The following UGT2A1 variants were observed in gnomAD, a reference collection of about 807,000 sequenced individuals.
UGT2A1 encodes the protein UDP glucuronosyltransferase family 2 member A1 complex locus.
A neutral mutation model predicts 45.4 loss-of-function variants in UGT2A1; 61 were observed. The observed-to-expected ratio is 1.34, with a 90% CI of 1.09 to 1.66. The LOEUF (loss-of-function observed/expected upper bound fraction) is 1.66. Ranked by LOEUF, UGT2A1 falls within the 40% of genes most tolerant of loss-of-function variation. The probability of loss-of-function intolerance (pLI) is 0.00; values close to 1 mark genes in which losing one functional copy is unlikely to be tolerated. For synonymous variants in UGT2A1, 229 were observed against 196.2 expected, an observed-to-expected ratio of 1.17 and a Z score of -1.40; for missense variants, 649 against 574.3, an observed-to-expected ratio of 1.13 and a Z score of -1.33.
chr4:69,642,456 A>AAAGG (rs1050588069), intron 2 of UGT2A1, among the ~76,000 whole-genome samples: 10 of 151,922 alleles, frequency 6.6e-5, no homozygotes, highest in African/African-American at 2.4e-4. Flanking sequence ...AAAAAGAAAA[A>AAAGG]AAGGAAGACC....
At chr4:69,594,734 A>C in intron 5 of UGT2A1, 38 bp from the exon 6 acceptor site, 1 of 1,586,990 alleles carries the variant, frequency 6.3e-7, no homozygotes, top group Non-Finnish European at 8.6e-7. Context: ...GTGTGTAATA[A>C]TAACACATTA....
chr4:69,632,070 T>C (rs1721420199), intron 3 of UGT2A1, among the ~76,000 whole-genome samples: 3 of 152,228 alleles, frequency 2.0e-5, no homozygotes, highest in Admixed American at 6.5e-5. Context: ...ATATTAACTT[T>C]ATTTTTGAAA....
At chr4:69,599,546 G>A in intron 3 of UGT2A1, 152 bp from the exon 4 acceptor site, 3 of 1,106,174 alleles carry the variant, frequency 2.7e-6, no homozygotes, top group Non-Finnish European at 1.2e-6. Flanking sequence ...TTAAGAAGAA[G>A]GAGAAATTAA....
At chr4:69,609,800 A>C (rs114516165) in intron 3 of UGT2A1, among the ~76,000 whole-genome samples, 1,909 of 152,322 alleles carry the variant, frequency 0.013, 50 homozygotes, top group African/African-American at 0.044. Context: ...ACTGCATTCC[A>C]CAAAAAAATT....
intron 3 of UGT2A1, among the ~76,000 whole-genome samples, chr4:69,625,378 G>T (rs1347704155): frequency 6.6e-6 from 1 of 150,572 alleles, no homozygotes. Context: ...ATTTTTTTCT[G>T]CTGATGCTCC....
Position 69,603,667 on chromosome 4 carries a change from G to C in UGT2A1, c.848-4273C>G, listed in dbSNP as rs1050054656. 3.7e-5 allele frequency: 5 copies of C among 135,516 alleles called. No homozygotes were observed. In the East Asian group the frequency reaches 1.0e-3, roughly 28 times the overall value. 8.4% of individuals were successfully genotyped at this position (135,516 alleles called of 1,614,324 possible). ...CCATGGCAAAGAGGTTAAAAACCTT[G>C]AAAAAAAATTAGACGAATGGCTAAC... On this transcript the variant is annotated intron_variant, in intron 3 of 6. Coordinates refer to ENST00000286604, the MANE Select transcript of UGT2A1 (RefSeq NM_001252275.3).
intron 6 of UGT2A1, among the ~76,000 whole-genome samples, chr4:69,591,332 A>G (rs1035861476): frequency 1.3e-5 from 2 of 152,202 alleles, no homozygotes; most frequent in African/African-American, 4.8e-5. Context: ...TTTGGTTTAG[A>G]AAGGTGGGAC....
rs866753934 is a variant in UGT2A1 at position 69,589,019 on chromosome 4, G to C, written c.*353C>G. 1 of 180,602 alleles carries C rather than the reference G, an allele frequency of 5.5e-6. No individual in the cohort carries two copies. Among genetic ancestry groups the C allele is most frequent in the East Asian group, 1.4e-4 (1 of 7,180 alleles). 11.2% of individuals were successfully genotyped at this position (180,602 alleles called of 1,614,324 possible). On this transcript the variant is annotated 3_prime_UTR_variant, in exon 7 of 7. Transcript: ENST00000286604. ...CCATCTACACTGTATGCATTACCAGGATTCAGCATATTGTTAATCATTAAT... is the reference window on the plus strand; with the variant it reads ...CCATCTACACTGTATGCATTACCAGCATTCAGCATATTGTTAATCATTAAT...
chr4:69,589,432 T>C lies in UGT2A1; in HGVS notation c.1524A>G (p.Gln508=), dbSNP rs4148310. ...CVTTAIFLVI[Q]CCLFSCQKFG... ...ATTTTTGACAGGAAAACAAACAACA[T>C]TGTATGACCAAAAATATAGCCGTTG... Residue 508 remains glutamine, a synonymous_variant, in exon 7 of 7, where the codon CAA becomes CAG. Coordinates refer to ENST00000286604, the MANE Select transcript of UGT2A1 (RefSeq NM_001252275.3). The C allele has an allele frequency of 1.1e-4, 171 of 1,614,096 alleles. 1 individual carries two copies. In the East Asian group the frequency reaches 3.8e-3, roughly 36 times the overall value.
At chr4:69,646,724 T>C (rs1237257832) in intron 2 of UGT2A1, among the ~76,000 whole-genome samples, 1 of 151,878 alleles carries the variant, frequency 6.6e-6, no homozygotes. Flanking sequence ...TGAATTGATA[T>C]ATTTAAGTCC....
At chr4:69,617,769 A>C (rs958187317) in intron 3 of UGT2A1, among the ~76,000 whole-genome samples, 1 of 151,868 alleles carries the variant, frequency 6.6e-6, no homozygotes, top group African/African-American at 2.4e-5. Flanking sequence ...TACACTTACT[A>C]TCTAGGATTT....
chr4:69,613,860 A>G (rs1320831930), intron 3 of UGT2A1, among the ~76,000 whole-genome samples: 1 of 152,020 alleles, frequency 6.6e-6, no homozygotes, highest in Non-Finnish European at 1.5e-5. Context: ...GCAAACCTAC[A>G]GGTAGCATCA....
chr4:69,596,495 T>C (rs890890274), intron 4 of UGT2A1: 1 of 1,315,810 alleles, frequency 7.6e-7, no homozygotes, highest in Non-Finnish European at 9.8e-7. Context: ...ACTGTTGAAC[T>C]GTCTGTCTTC....
chr4:69,635,223 C>G (rs1363755200), intron 3 of UGT2A1, among the ~76,000 whole-genome samples: 1 of 151,994 alleles, frequency 6.6e-6, no homozygotes, highest in Non-Finnish European at 1.5e-5. Context: ...AATATATCAG[C>G]AGGGAAAGAG....
Position 69,589,541 on chromosome 4 carries a change from T to C in UGT2A1, c.1415A>G (p.Lys472Arg). 2 of 1,614,116 alleles carry C rather than the reference T, an allele frequency of 1.2e-6. No homozygotes were observed. Among genetic ancestry groups the C allele is most frequent in the Non-Finnish European group, 1.7e-6 (2 of 1,179,966 alleles). Residue 472 changes from lysine (K) to arginine (R), a missense_variant, in exon 7 of 7, where the codon AAG becomes AGG. Lys to Arg is a conservative substitution (Grantham distance 26). Transcript: ENST00000286604. Reference sequence around the variant, plus strand: ...GTCATGGGCTGCAACCCGAAGGTGCTTGGCTCCTTTGTGGCGCATGACAAA... The same window carrying C: ...GTCATGGGCTGCAACCCGAAGGTGCCTGGCTCCTTTGTGGCGCATGACAAA... ...IEFVMRHKGA[K>R]HLRVAAHDLT...
At chr4:69,617,011 G>A (rs1408237560) in intron 3 of UGT2A1, among the ~76,000 whole-genome samples, 1 of 151,732 alleles carries the variant, frequency 6.6e-6, no homozygotes, top group Non-Finnish European at 1.5e-5. Flanking sequence ...TGAGAAATAT[G>A]TAGCTGGTGG....
At chr4:69,600,302 T>A (rs1317472898) in intron 3 of UGT2A1, among the ~76,000 whole-genome samples, 1 of 152,170 alleles carries the variant, frequency 6.6e-6, no homozygotes, top group Non-Finnish European at 1.5e-5. Flanking sequence ...TTGTGTGCAC[T>A]CCCAGACTCC....
Position 69,611,209 on chromosome 4 carries a change from C to G in UGT2A1, c.848-11815G>C, listed in dbSNP as rs545871437. Reference sequence around the variant, plus strand: ...CACTCAAGCTGGAGTGCAGTGGCACCAACACAGCTCACTGCAGTCTCGACC... The same window carrying G: ...CACTCAAGCTGGAGTGCAGTGGCACGAACACAGCTCACTGCAGTCTCGACC... On this transcript the variant is annotated intron_variant, in intron 3 of 6. Transcript: ENST00000286604. 2.6e-5 allele frequency among the ~76,000 whole-genome samples: 4 copies of G among 151,294 alleles called. No individual in the cohort carries two copies. The South Asian group carries it at 8.4e-4, about 32-fold the overall frequency.
At chr4:69,602,216 A>AAACTC (rs10682826) in intron 3 of UGT2A1, among the ~76,000 whole-genome samples, 24,820 of 135,738 alleles carry the variant, frequency 0.18, 5,968 homozygotes, top group Non-Finnish European at 0.22. Flanking sequence ...CAAGCAATAA[A>AAACTC]AACAGTTGTT....
Sources: gnomAD v4.1 joint callset for allele counts (sites outside exome capture counted in the v4.1 genomes callset) on GRCh38, gnomAD v4.1.1 for gene constraint, MANE v1.5 for transcripts, NCBI Gene and HGNC (gene_info 2026-07-23, HGNC 2026-07-21) for gene names.